The following VRK2 variants were observed in gnomAD, a reference collection of about 807,000 sequenced individuals.
VRK2 encodes serine/threonine-protein kinase VRK2.
Under a neutral mutation model 57.6 loss-of-function variants are expected in VRK2, and 60 were observed. The observed-to-expected ratio is 1.04, with a 90% CI of 0.85 to 1.29. The LOEUF is 1.29. VRK2 is among the 50% of genes most tolerant of loss of function. The pLI is 0.00. For synonymous variants in VRK2, 231 were observed against 199.2 expected, an observed-to-expected ratio of 1.16 and a Z score of -1.35; for missense variants, 705 against 588.1, an observed-to-expected ratio of 1.20 and a Z score of -2.06.
chr2:58,131,856 G>C lies in VRK2; in HGVS notation c.725G>C (p.Arg242Pro), dbSNP rs1034927922. 16 of 1,613,894 alleles carry C rather than the reference G, an allele frequency of 9.9e-6. No homozygotes were observed. Among genetic ancestry groups the C allele is most frequent in the Non-Finnish European group, 1.4e-5 (16 of 1,179,984 alleles). ...DVEILGYCML[R>P]WLCGKLPWEQ... is the part of the protein sequence containing the mutation. ...GAGATCCTCGGCTACTGCATGCTGC[G>C]GTGGTTGTGTGGGAAACTTCCCTGG... Residue 242 changes from arginine (R) to proline (P), a missense_variant, in exon 9 of 13, where the codon CGG (arginine) becomes CCG (proline). Arg to Pro is a moderately radical substitution (Grantham distance 103). Coordinates refer to ENST00000340157, the MANE Select transcript of VRK2 (RefSeq NM_006296.7).
At chr2:58,105,816 T>C (rs1441976309) in intron 7 of VRK2, among the ~76,000 whole-genome samples, 1 of 151,948 alleles carries the variant, frequency 6.6e-6, no homozygotes, top group African/African-American at 2.4e-5. Flanking sequence ...TATCTTTGAA[T>C]TTAATAGAAT....
chr2:58,058,954 A>G (rs1176316164), intron 2 of VRK2, among the ~76,000 whole-genome samples: 1 of 152,130 alleles, frequency 6.6e-6, no homozygotes, highest in Non-Finnish European at 1.5e-5. Flanking sequence ...GACAAGTGGC[A>G]TGCTTATAAC....
chr2:57,990,015 A>T (rs878932988), intron 1 of VRK2, among the ~76,000 whole-genome samples: 3 of 152,184 alleles, frequency 2.0e-5, no homozygotes, highest in Admixed American at 1.3e-4. Flanking sequence ...CACAAAAAGG[A>T]GTCTGCAAAG....
At chr2:58,120,459 G>A (rs1677307218) in intron 7 of VRK2, among the ~76,000 whole-genome samples, 1 of 151,456 alleles carries the variant, frequency 6.6e-6, no homozygotes, top group Non-Finnish European at 1.5e-5. Flanking sequence ...CCAAAGTGGT[G>A]GGATTACAAG....
chr2:57,956,133 C>A (rs562731764), intron 1 of VRK2, among the ~76,000 whole-genome samples: 34 of 152,238 alleles, frequency 2.2e-4, no homozygotes, highest in African/African-American at 7.9e-4. Context: ...TGGCTAATGC[C>A]GCTTTGGGAG....
chr2:58,069,311 A>G (rs548569663), intron 2 of VRK2, among the ~76,000 whole-genome samples: 6 of 152,216 alleles, frequency 3.9e-5, no homozygotes, highest in South Asian at 2.1e-4. Flanking sequence ...GGACTTGGGT[A>G]TTGGTAGTTT....
intron 2 of VRK2, among the ~76,000 whole-genome samples, chr2:58,070,653 G>A (rs1348301525): frequency 6.6e-6 from 1 of 152,088 alleles, no homozygotes; most frequent in Admixed American, 6.6e-5. Flanking sequence ...TGGCTTGATA[G>A]CACATTTCTT....
chr2:58,079,775 G>C (rs886559547), intron 2 of VRK2, among the ~76,000 whole-genome samples: 8 of 151,974 alleles, frequency 5.3e-5, no homozygotes, highest in African/African-American at 1.9e-4. Flanking sequence ...ATTTCTCCAA[G>C]GAGCCCTGAT....
chr2:57,997,980 A>C (rs1672977577), intron 1 of VRK2, among the ~76,000 whole-genome samples: 1 of 152,234 alleles, frequency 6.6e-6, no homozygotes, highest in African/African-American at 2.4e-5. Context: ...TTAATATTTG[A>C]TAACTATTAT....
At chr2:58,150,169 T>C (rs1682786918) in intron 12 of VRK2, among the ~76,000 whole-genome samples, 1 of 151,534 alleles carries the variant, frequency 6.6e-6, no homozygotes, top group Admixed American at 6.6e-5. Flanking sequence ...CACTCTGTTT[T>C]CAGAAAATGT....
chr2:58,082,140 C>T (rs759675787), intron 2 of VRK2, among the ~76,000 whole-genome samples: 2 of 151,410 alleles, frequency 1.3e-5, no homozygotes, highest in Admixed American at 6.6e-5. Flanking sequence ...AAGTGATGAC[C>T]GTAGAGATTT....
chr2:58,007,360 A>C (rs1466222695), intron 1 of VRK2, among the ~76,000 whole-genome samples: 1 of 151,876 alleles, frequency 6.6e-6, no homozygotes, highest in Non-Finnish European at 1.5e-5. Context: ...CCCTTGAACA[A>C]CACAGACTCA....
intron 1 of VRK2, among the ~76,000 whole-genome samples, chr2:57,997,730 C>A (rs560551689): frequency 1.9e-3 from 288 of 152,032 alleles, no homozygotes; most frequent in Admixed American, 3.3e-3. Flanking sequence ...TGGTGAAACA[C>A]CGTCTCTACA....
At chr2:58,019,388 C>G (rs1377364243) in intron 1 of VRK2, among the ~76,000 whole-genome samples, 1 of 152,112 alleles carries the variant, frequency 6.6e-6, no homozygotes, top group East Asian at 1.9e-4. Flanking sequence ...TTAACTTTAG[C>G]ATTTAGCCAT....
upstream of VRK2, among the ~76,000 whole-genome samples, chr2:58,042,904 T>C (rs930854916): frequency 5.9e-5 from 9 of 152,212 alleles, no homozygotes; most frequent in Non-Finnish European, 1.2e-4. Context: ...GAAGATGTTC[T>C]TTCACTAGTT....
chr2:57,958,425 G>A (rs1313135683), intron 1 of VRK2, among the ~76,000 whole-genome samples: 5 of 150,206 alleles, frequency 3.3e-5, no homozygotes, highest in African/African-American at 1.2e-4. Flanking sequence ...GTGTGTGTGT[G>A]TGTATATACA....
intron 7 of VRK2, among the ~76,000 whole-genome samples, chr2:58,090,417 A>G (rs1193203407): frequency 3.3e-5 from 5 of 152,046 alleles, no homozygotes; most frequent in Non-Finnish European, 5.9e-5. Flanking sequence ...AAAAAAAAAA[A>G]AAAAGTTTTA....
chr2:58,148,406 C>T (rs1293064315), intron 12 of VRK2, among the ~76,000 whole-genome samples: 1 of 151,808 alleles, frequency 6.6e-6, no homozygotes, highest in Non-Finnish European at 1.5e-5. Context: ...GAGTCCTTAT[C>T]AGATATCTGT....
intron 1 of VRK2, among the ~76,000 whole-genome samples, chr2:57,926,519 A>AGT (rs1181913156): frequency 1.3e-5 from 2 of 149,626 alleles, no homozygotes; most frequent in East Asian, 2.0e-4. Context: ...GTATATATAT[A>AGT]GTGTGTGTGT....
Sources: allele counts gnomAD v4.1 joint callset (sites outside exome capture counted in the v4.1 genomes callset), GRCh38; gene constraint gnomAD v4.1.1; transcripts MANE v1.5; gene names NCBI Gene and HGNC (gene_info 2026-07-23, HGNC 2026-07-21).